Variants in GULP1 observed in about 807,000 individuals in gnomAD.
GULP1 encodes GULP PTB domain containing engulfment adaptor 1, also known as PTB domain-containing engulfment adapter protein 1.
GULP1 carries 19 observed loss-of-function variants against 40.9 expected under a neutral mutation model. The observed-to-expected ratio is 0.46, with a 90% CI of 0.32 to 0.68. The LOEUF (loss-of-function observed/expected upper bound fraction) is 0.68, where lower values mean the gene tolerates loss of function less well. Among genes scored for constraint, GULP1 ranks in the 30% least tolerant of loss-of-function variants. GULP1 has a pLI of 0.03. For synonymous variants in GULP1, 119 were observed against 117.6 expected, an observed-to-expected ratio of 1.01 and a Z score of -0.08; for missense variants, 312 against 362.2, an observed-to-expected ratio of 0.86 and a Z score of 1.12.
At chr2:188,498,174 C>T (rs977623108) in intron 4 of GULP1, among the ~76,000 whole-genome samples, 1 of 151,806 alleles carries the variant, frequency 6.6e-6, no homozygotes, top group African/African-American at 2.4e-5. Context: ...ACTCAGCATC[C>T]CAGAGACATA....
intron 4 of GULP1, among the ~76,000 whole-genome samples, chr2:188,520,829 A>G (rs1322360917): frequency 6.6e-6 from 1 of 152,210 alleles, no homozygotes; most frequent in Non-Finnish European, 1.5e-5. Context: ...TGACCAAGGA[A>G]CATGTATTTT....
At chr2:188,313,163 C>T (rs1294235784) in intron 1 of GULP1, among the ~76,000 whole-genome samples, 1 of 152,122 alleles carries the variant, frequency 6.6e-6, no homozygotes, top group Non-Finnish European at 1.5e-5. Context: ...GTTGCAATTG[C>T]TTTTGACGTT....
At chr2:188,302,882 T>C (rs912623623) in intron 1 of GULP1, among the ~76,000 whole-genome samples, 10 of 152,200 alleles carry the variant, frequency 6.6e-5, no homozygotes, top group African/African-American at 2.2e-4. Flanking sequence ...TCCTGACTAG[T>C]AATTTTTCTT....
At chr2:188,519,382 G>A (rs2065500608) in intron 4 of GULP1, among the ~76,000 whole-genome samples, 1 of 152,084 alleles carries the variant, frequency 6.6e-6, no homozygotes, top group Non-Finnish European at 1.5e-5. Flanking sequence ...TGACATTCCT[G>A]CTGAAGTTTG....
At chr2:188,434,970 G>C (rs1240173419) in intron 2 of GULP1, among the ~76,000 whole-genome samples, 1 of 151,916 alleles carries the variant, frequency 6.6e-6, no homozygotes, top group Non-Finnish European at 1.5e-5. Context: ...CATGAGATTA[G>C]ACTTTCTAAG....
At chr2:188,405,839 G>T (rs1222144660) in intron 2 of GULP1, among the ~76,000 whole-genome samples, 2 of 152,200 alleles carry the variant, frequency 1.3e-5, no homozygotes, top group African/African-American at 4.8e-5. Context: ...AGTCTGCAAA[G>T]ACTGGAAAAG....
intron 1 of GULP1, among the ~76,000 whole-genome samples, chr2:188,371,065 C>T (rs545171374): frequency 3.3e-5 from 5 of 152,176 alleles, no homozygotes; most frequent in Non-Finnish European, 5.9e-5. Flanking sequence ...ACAGTAAGTC[C>T]GTGGTTGCTG....
At chr2:188,385,338 A>G (rs573687718) in intron 2 of GULP1, among the ~76,000 whole-genome samples, 21 of 152,256 alleles carry the variant, frequency 1.4e-4, no homozygotes, top group African/African-American at 5.1e-4. Context: ...TGCCTTGGCC[A>G]CTTTTAGTCA....
chr2:188,326,399 G>C (rs767866944), intron 1 of GULP1, among the ~76,000 whole-genome samples: 1 of 152,100 alleles, frequency 6.6e-6, no homozygotes, highest in South Asian at 2.1e-4. Context: ...ATGAGGCTAA[G>C]AGGATTAAAA....
chr2:188,477,835 C>A, intron 3 of GULP1, 105 bp downstream of exon 3: 2 of 826,722 alleles, frequency 2.4e-6, no homozygotes, highest in South Asian at 1.7e-5. Flanking sequence ...ACCACCTGGC[C>A]CAGAAATGAA....
intron 4 of GULP1, among the ~76,000 whole-genome samples, chr2:188,511,300 C>T (rs936976413): frequency 6.6e-6 from 1 of 152,138 alleles, no homozygotes; most frequent in Non-Finnish European, 1.5e-5. Flanking sequence ...TCAGTTTTCA[C>T]ATCTGTAAAA....
At chr2:188,401,938 A>G (rs1161598664) in intron 2 of GULP1, among the ~76,000 whole-genome samples, 1 of 152,156 alleles carries the variant, frequency 6.6e-6, no homozygotes, top group East Asian at 1.9e-4. Context: ...CTTTAATGGT[A>G]TTTAGATTTC....
chr2:188,391,171 CAT>C (rs2050469379), intron 2 of GULP1, among the ~76,000 whole-genome samples: 1 of 151,808 alleles, frequency 6.6e-6, no homozygotes, highest in African/African-American at 2.4e-5. Context: ...GATGGAATTG[CAT>C]TGAATCTGTA....
intron 2 of GULP1, among the ~76,000 whole-genome samples, chr2:188,437,119 C>T (rs1004571255): frequency 6.6e-6 from 1 of 152,118 alleles, no homozygotes; most frequent in South Asian, 2.1e-4. Flanking sequence ...ATATTATATG[C>T]TAATATCTGT....
chr2:188,386,882 A>T (rs1041870016), intron 2 of GULP1, among the ~76,000 whole-genome samples: 1 of 152,212 alleles, frequency 6.6e-6, no homozygotes, highest in Non-Finnish European at 1.5e-5. Context: ...AGGCAGTAGC[A>T]ATTTCTTTCT....
Position 188,523,898 on chromosome 2 carries a change from C to T in GULP1, c.162+1071C>T, listed in dbSNP as rs560530194. On this transcript the variant is annotated intron_variant, in intron 5 of 11. Coordinates refer to ENST00000409830, the MANE Select transcript of GULP1 (RefSeq NM_016315.4). ...TTTTAAGTAAATATGCTAAAATCTC[C>T]GAAGATAATATCACTCCCATTTGGG... Among the ~76,000 whole-genome samples, 23 of 152,112 alleles carry T rather than the reference C, an allele frequency of 1.5e-4. 1 individual carries two copies. The South Asian group carries it at 3.9e-3, about 26-fold the overall frequency.
intron 1 of GULP1, among the ~76,000 whole-genome samples, chr2:188,337,726 T>A (rs964913048): frequency 1.4e-4 from 21 of 152,064 alleles, no homozygotes; most frequent in Non-Finnish European, 4.4e-5. Flanking sequence ...TATATTGTTA[T>A]TTCAGTCTAT....
chr2:188,483,796 C>G (rs77392850), intron 4 of GULP1, among the ~76,000 whole-genome samples: 1 of 152,068 alleles, frequency 6.6e-6, no homozygotes, highest in Non-Finnish European at 1.5e-5. Flanking sequence ...AACAAATTAG[C>G]TTTCTTTAAA....
intron 3 of GULP1, among the ~76,000 whole-genome samples, chr2:188,478,867 G>A (rs1438081327): frequency 6.6e-6 from 1 of 152,070 alleles, no homozygotes; most frequent in Non-Finnish European, 1.5e-5. Flanking sequence ...GGCACTGGGT[G>A]TTCTCCCTTT....
Sources: allele counts gnomAD v4.1 joint callset (sites outside exome capture counted in the v4.1 genomes callset), GRCh38; gene constraint gnomAD v4.1.1; transcripts MANE v1.5; gene names NCBI Gene and HGNC (gene_info 2026-07-23, HGNC 2026-07-21).